Variants in ABI1 observed in about 807,000 individuals in gnomAD.
The protein encoded by ABI1 is abl interactor 1, also known as Abelson interactor 1.
In ABI1, 14 loss-of-function variants were observed where a neutral mutation model predicts 54.6. The observed-to-expected ratio is 0.26, with a 90% confidence interval of 0.17 to 0.40. ABI1 has a LOEUF of 0.40. Ranked by LOEUF, ABI1 falls within the 10% of genes least tolerant of loss-of-function variation. The pLI is 1.00. For synonymous variants in ABI1, 194 were observed against 209.3 expected, an observed-to-expected ratio of 0.93 and a Z score of 0.63; for missense variants, 443 against 598.3, an observed-to-expected ratio of 0.74 and a Z score of 2.71.
intron 1 of ABI1, among the ~76,000 whole-genome samples, chr10:26,828,532 T>C (rs2048454411): frequency 6.6e-6 from 1 of 151,910 alleles, no homozygotes; most frequent in Admixed American, 6.6e-5. Context: ...ATTCACACAA[T>C]TATAAAATAA....
At chr10:26,778,291 C>T (rs573474049) in intron 2 of ABI1, among the ~76,000 whole-genome samples, 1 of 152,186 alleles carries the variant, frequency 6.6e-6, no homozygotes, top group South Asian at 2.1e-4. Flanking sequence ...AATTATACAA[C>T]TGCTCAACAA....
At chr10:26,778,498 GA>G (rs79625616) in intron 2 of ABI1, among the ~76,000 whole-genome samples, 6,647 of 76,140 alleles carry the variant, frequency 0.087, 190 homozygotes, top group African/African-American at 0.17. Context: ...GTAGGAAAAA[GA>G]AAAAAAAAAA....
At position 26,769,015 on chromosome 10, in the gene ABI1, G is replaced by C. The variant is rs144555468; in HGVS notation, c.579-23C>G. On this transcript the variant is annotated intron_variant, in intron 5 of 10. Transcript: ENST00000376140. The stretch of plus-strand genomic sequence containing the variant: ...CGTCTAAAGGAGCATAGTGGAGAAA[G>C]GAATAATGAATAAAAAAGATAAAAT... 296 of 1,531,940 alleles carry C rather than the reference G, an allele frequency of 1.9e-4. No individual in the cohort carries two copies. In the East Asian group the frequency reaches 6.3e-3, roughly 33 times the overall value. 94.9% of individuals were successfully genotyped at this position (1,531,940 alleles called of 1,614,324 possible).
At chr10:26,814,464 A>C (rs1335319298) in intron 2 of ABI1, among the ~76,000 whole-genome samples, 6 of 152,206 alleles carry the variant, frequency 3.9e-5, no homozygotes, top group Non-Finnish European at 5.9e-5. Context: ...ATTGCTAAGC[A>C]CTCTACAAAG....
At chr10:26,782,372 A>C (rs555714399) in intron 2 of ABI1, among the ~76,000 whole-genome samples, 38 of 151,014 alleles carry the variant, frequency 2.5e-4, no homozygotes, top group African/African-American at 9.4e-4. Context: ...CAACAACAAA[A>C]AAAAAAACCC....
intron 4 of ABI1, 60 bp downstream of exon 4, chr10:26,771,015 T>C: frequency 6.3e-7 from 1 of 1,577,246 alleles, no homozygotes; most frequent in Non-Finnish European, 8.7e-7. Context: ...TTAGTGGCTC[T>C]GCAGCCTCTA....
chr10:26,760,083 A>T (rs934320387), intron 7 of ABI1, among the ~76,000 whole-genome samples: 33 of 139,436 alleles, frequency 2.4e-4, no homozygotes, highest in African/African-American at 7.3e-4. Context: ...ATCTGCTTTT[A>T]AAAAAAAAAA....
At chr10:26,826,910 AT>A (rs142627888) in intron 1 of ABI1, among the ~76,000 whole-genome samples, 39,740 of 144,246 alleles carry the variant, frequency 0.28, 5,882 homozygotes, top group African/African-American at 0.43. Flanking sequence ...GGCTAGTTTG[AT>A]TTTTTTTTTT....
At chr10:26,785,533 C>T (rs1029549764) in intron 2 of ABI1, among the ~76,000 whole-genome samples, 41 of 152,064 alleles carry the variant, frequency 2.7e-4, no homozygotes, top group African/African-American at 9.4e-4. Context: ...ACCAGCCTGG[C>T]CAACATGGTG....
At chr10:26,822,465 TTCCA>T (rs565100571) in intron 2 of ABI1, among the ~76,000 whole-genome samples, 205 of 152,234 alleles carry the variant, frequency 1.3e-3, no homozygotes, top group African/African-American at 4.5e-3. Flanking sequence ...CAACCCAGAT[TTCCA>T]TCAACATGTG....
intron 2 of ABI1, chr10:26,790,421 A>G (rs1843270577): frequency 6.6e-6 from 1 of 152,084 alleles, no homozygotes; most frequent in African/African-American, 2.4e-5. Context: ...TGTTGGCCGC[A>G]CATGTATGTC....
chr10:26,824,232 T>A (rs1252675008), intron 1 of ABI1, among the ~76,000 whole-genome samples: 2 of 152,184 alleles, frequency 1.3e-5, no homozygotes, highest in Non-Finnish European at 2.9e-5. Flanking sequence ...CTATTTCTCA[T>A]TCACCCAAAT....
intron 3 of ABI1, among the ~76,000 whole-genome samples, chr10:26,776,368 T>C (rs1185617643): frequency 1.3e-5 from 2 of 152,142 alleles, no homozygotes; most frequent in African/African-American, 2.4e-5. Context: ...CCAAATCAAA[T>C]AGTCCTCTTG....
In ABI1 at chr10:26,748,239, G is replaced by C; in HGVS notation, c.*331C>G. On this transcript the variant is annotated 3_prime_UTR_variant, in exon 11 of 11. Transcript: ENST00000376140. ...ATAGCGTTAGTAACCATGCTGCACT[G>C]AAACATGTAATGGTACAATCTGAAT... is the stretch of plus-strand genomic sequence containing the variant. The C allele has an allele frequency of 8.0e-6, 2 of 249,688 alleles. No homozygotes were observed. Among genetic ancestry groups the C allele is most frequent in the Non-Finnish European group, 7.8e-6 (1 of 128,902 alleles). The allele number at this position is 249,688 out of a possible 1,614,324, so 15.5% of individuals were successfully genotyped here. A position where few individuals can be genotyped will look rare whatever the true frequency, so the allele number is the denominator to read the frequency against.
chr10:26,766,744 G>T (rs1290488901), intron 6 of ABI1, among the ~76,000 whole-genome samples: 1 of 152,018 alleles, frequency 6.6e-6, no homozygotes, highest in African/African-American at 2.4e-5. Context: ...TGGCCTGTGG[G>T]CTAAAACTGG....
intron 3 of ABI1, among the ~76,000 whole-genome samples, chr10:26,771,939 AT>A (rs1295295469): frequency 4.6e-5 from 7 of 152,200 alleles, no homozygotes; most frequent in African/African-American, 1.4e-4. Flanking sequence ...CTAAAAAAAA[AT>A]ATCTTCAGGT....
intron 1 of ABI1, among the ~76,000 whole-genome samples, chr10:26,834,387 C>T (rs771566736): frequency 6.6e-6 from 1 of 151,918 alleles, no homozygotes. Flanking sequence ...CAAAGTAAAA[C>T]GACAACCCAT....
At chr10:26,820,055 C>T (rs1278733463) in intron 2 of ABI1, among the ~76,000 whole-genome samples, 2 of 152,070 alleles carry the variant, frequency 1.3e-5, no homozygotes, top group Non-Finnish European at 2.9e-5. Flanking sequence ...GGAGCTGTTG[C>T]TCAAAGGGTA....
chr10:26,797,835 T>G (rs892489405), intron 2 of ABI1, among the ~76,000 whole-genome samples: 4 of 152,314 alleles, frequency 2.6e-5, no homozygotes, highest in Non-Finnish European at 2.9e-5. Context: ...GGGGTTTTGA[T>G]TGACATTAAA....
Sources: allele counts gnomAD v4.1 joint callset (sites outside exome capture counted in the v4.1 genomes callset), GRCh38; gene constraint gnomAD v4.1.1; transcripts MANE v1.5; gene names NCBI Gene and HGNC (gene_info 2026-07-23, HGNC 2026-07-21).